Variants in GDAP1L1 observed in about 807,000 individuals in gnomAD.
GDAP1L1 encodes ganglioside induced differentiation associated protein 1 like 1, also known as ganglioside-induced differentiation-associated protein 1-like 1.
GDAP1L1 carries 21 observed loss-of-function variants against 37.1 expected under a neutral mutation model. The observed-to-expected ratio is 0.57, with a 90% CI of 0.40 to 0.81. The LOEUF (loss-of-function observed/expected upper bound fraction) is 0.81. GDAP1L1 is among the 40% of genes least tolerant of loss of function. The probability of loss-of-function intolerance (pLI) is 0.00; values close to 1 mark genes in which losing one functional copy is unlikely to be tolerated. For synonymous variants in GDAP1L1, 193 were observed against 209.1 expected, an observed-to-expected ratio of 0.92 and a Z score of 0.67; for missense variants, 362 against 491.6, an observed-to-expected ratio of 0.74 and a Z score of 2.49.
chr20:44,265,655 T>G (rs1011903547), intron 5 of GDAP1L1, among the ~76,000 whole-genome samples: 1 of 152,246 alleles, frequency 6.6e-6, no homozygotes, highest in Admixed American at 6.5e-5. Context: ...AACTTAACCT[T>G]GTCTTGCTGG....
intron 1 of GDAP1L1, among the ~76,000 whole-genome samples, chr20:44,253,366 G>A (rs1160860060): frequency 6.6e-6 from 1 of 152,152 alleles, no homozygotes; most frequent in Non-Finnish European, 1.5e-5. Flanking sequence ...ATTTGATTCT[G>A]TAAATCTAAA....
At chr20:44,258,396 C>T (rs1361967405) in intron 2 of GDAP1L1, 38 bp from the exon 3 acceptor site, 1 of 1,541,434 alleles carries the variant, frequency 6.5e-7, no homozygotes, top group Non-Finnish European at 8.8e-7. Flanking sequence ...GCAGGTGCCC[C>T]TCTGGCTTCC....
intron 1 of GDAP1L1, among the ~76,000 whole-genome samples, chr20:44,252,095 A>G (rs1404161525): frequency 6.6e-6 from 1 of 152,254 alleles, no homozygotes; most frequent in Non-Finnish European, 1.5e-5. Context: ...TCATAATTGA[A>G]GAAAATGCTA....
At chr20:44,270,164 ATTTTTTTTTTTTT>A (rs397756226) in intron 5 of GDAP1L1, among the ~76,000 whole-genome samples, 28 of 100,594 alleles carry the variant, frequency 2.8e-4, no homozygotes, top group African/African-American at 1.1e-3. Flanking sequence ...AGTGTCTTAA[ATTTTTTTTTTTTT>A]TTTTTTTTTT....
At chr20:44,253,923 T>C (rs2073491996) in intron 1 of GDAP1L1, among the ~76,000 whole-genome samples, 2 of 152,206 alleles carry the variant, frequency 1.3e-5, no homozygotes, top group African/African-American at 2.4e-5. Flanking sequence ...GGGTAGAGCA[T>C]GGGAGCGGCC....
At chr20:44,252,209 AAAAGATCCTGTG>A (rs2073457887) in intron 1 of GDAP1L1, among the ~76,000 whole-genome samples, 1 of 152,250 alleles carries the variant, frequency 6.6e-6, no homozygotes, top group Non-Finnish European at 1.5e-5. Flanking sequence ...AGTGTGGATT[AAAAGATCCTGTG>A]CACAACCCGG....
intron 1 of GDAP1L1, among the ~76,000 whole-genome samples, chr20:44,248,798 C>T (rs915667753): frequency 2.6e-5 from 4 of 152,166 alleles, no homozygotes; most frequent in Admixed American, 6.5e-5. Flanking sequence ...TTCCAACAAG[C>T]GACCAGGTGA....
chr20:44,258,960 T>C (rs929419107), intron 3 of GDAP1L1, among the ~76,000 whole-genome samples: 1 of 149,200 alleles, frequency 6.7e-6, no homozygotes, highest in Non-Finnish European at 1.5e-5. Context: ...CCCCTACTCT[T>C]GTCCTGCCCC....
intron 1 of GDAP1L1, 137 bp downstream of exon 1, chr20:44,247,651 C>T (rs986591498): frequency 5.1e-6 from 4 of 781,306 alleles, no homozygotes; most frequent in East Asian, 2.8e-5. Flanking sequence ...GGTCGGGGGA[C>T]GCAAGGGTTC....
chr20:44,255,541 C>CAAAAAAAA (rs60318296), intron 1 of GDAP1L1, among the ~76,000 whole-genome samples: 15 of 45,816 alleles, frequency 3.3e-4, no homozygotes, highest in Non-Finnish European at 6.6e-4. Context: ...GACTCTGTCT[C>CAAAAAAAA]AAAAAAAAAA....
chr20:44,267,503 TG>T (rs1351455724), intron 5 of GDAP1L1, among the ~76,000 whole-genome samples: 2 of 151,164 alleles, frequency 1.3e-5, no homozygotes, highest in African/African-American at 4.9e-5. Context: ...CCCAGTTATG[TG>T]GGAGGCTGAG....
chr20:44,247,554 A>C, intron 1 of GDAP1L1, 40 bp downstream of exon 1: 1 of 1,456,992 alleles, frequency 6.9e-7, no homozygotes, highest in Non-Finnish European at 9.1e-7. Context: ...GGTGGCCAGG[A>C]AGCTTGGGGA....
In GDAP1L1 at chr20:44,280,561, A is replaced by T. The variant is rs535056556; in HGVS notation, c.*1261A>T. On this transcript the variant is annotated 3_prime_UTR_variant, in exon 6 of 6. Coordinates refer to ENST00000342560, the MANE Select transcript of GDAP1L1 (RefSeq NM_024034.6). ...ACTGACTTTCCAGGGCTCTGACCTT[A>T]ACATCAACCCAGCTCATTTAGGCTC... 6.6e-6 allele frequency: 1 copy of T among 152,590 alleles called. No homozygotes were observed. The highest frequency in any genetic ancestry group is 2.1e-4 in the South Asian group (1 of 4,828). 9.5% of individuals were successfully genotyped at this position (152,590 alleles called of 1,614,324 possible). A position where few individuals can be genotyped will look rare whatever the true frequency, so the allele number is the denominator to read the frequency against.
chr20:44,257,011 G>C, intron 1 of GDAP1L1, 142 bp from the exon 2 acceptor site: 2 of 856,488 alleles, frequency 2.3e-6, no homozygotes, highest in Admixed American at 2.9e-5. Context: ...CCCAAACCCA[G>C]GTGCCCAAGA....
chr20:44,263,209 C>A lies in GDAP1L1; in HGVS notation c.548-21C>A, dbSNP rs1472455522. 8 of 1,600,992 alleles carry A rather than the reference C, an allele frequency of 5.0e-6. No individual in the cohort carries two copies. The African/African-American group carries it at 9.4e-5, about 19-fold the overall frequency. The stretch of plus-strand genomic sequence containing the variant: ...CAACCAAGGTATCAGAGGGATGGGA[C>A]CTTTCCTATTATCTCCCCAGGACAT... On this transcript the variant is annotated intron_variant, in intron 3 of 5. Transcript: ENST00000342560.
At chr20:44,276,412 A>AAAAGAAAAAGAAAGAAAG (rs1555801151) in intron 5 of GDAP1L1, among the ~76,000 whole-genome samples, 1 of 113,308 alleles carries the variant, frequency 8.8e-6, no homozygotes, top group Non-Finnish European at 1.8e-5. Context: ...AGAAAAAAGA[A>AAAAGAAAAAGAAAGAAAG]AAAGAAAGAA....
chr20:44,264,228 G>T (rs565017950), intron 4 of GDAP1L1, among the ~76,000 whole-genome samples: 3 of 152,056 alleles, frequency 2.0e-5, no homozygotes, highest in African/African-American at 2.4e-5. Flanking sequence ...GCATCTGGGT[G>T]TAAGAATGTA....
At chr20:44,263,419 G>A (rs1325426793) in intron 4 of GDAP1L1, 92 bp downstream of exon 4, 2 of 914,236 alleles carry the variant, frequency 2.2e-6, no homozygotes, top group Non-Finnish European at 3.5e-6. Context: ...ATCAGCTGAT[G>A]ATATGAAATG....
intron 1 of GDAP1L1, among the ~76,000 whole-genome samples, chr20:44,248,653 T>A (rs1011415746): frequency 9.2e-5 from 14 of 152,200 alleles, no homozygotes; most frequent in Admixed American, 7.2e-4. Context: ...AGGAACTTAG[T>A]GTTATAGACT....
Sources: allele counts gnomAD v4.1 joint callset (sites outside exome capture counted in the v4.1 genomes callset), GRCh38; gene constraint gnomAD v4.1.1; transcripts MANE v1.5; gene names NCBI Gene and HGNC (gene_info 2026-07-23, HGNC 2026-07-21).